The following ERC1 variants were observed in gnomAD, a reference collection of about 807,000 sequenced individuals.
The protein encoded by ERC1 is ELKS/RAB6-interacting/CAST family member 1.
A neutral mutation model predicts 132.0 loss-of-function variants in ERC1; 56 were observed. The ratio of observed to expected loss-of-function variants is 0.42; its 90% confidence interval spans 0.34 to 0.53. The LOEUF (loss-of-function observed/expected upper bound fraction) is 0.53, where lower values mean the gene tolerates loss of function less well. Among genes scored for constraint, ERC1 ranks in the 20% least tolerant of loss-of-function variants. The probability of loss-of-function intolerance (pLI) is 0.03; values close to 1 mark genes in which losing one functional copy is unlikely to be tolerated. For missense variants in ERC1, 1,202 were observed against 1,349.9 expected (o/e 0.89, Z 1.72); for synonymous variants, 478 against 476.1 (o/e 1.00, Z -0.05).
chr12:1,141,062 T>G (rs1229675551), intron 7 of ERC1, among the ~76,000 whole-genome samples: 1 of 152,196 alleles, frequency 6.6e-6, no homozygotes, highest in Admixed American at 6.5e-5. Flanking sequence ...TAAAGTTATA[T>G]CTAATGAAAG....
intron 16 of ERC1, among the ~76,000 whole-genome samples, chr12:1,384,250 T>A (rs2089053542): frequency 6.6e-6 from 1 of 152,214 alleles, no homozygotes. Context: ...CAGGTCAAAC[T>A]GCTTTCTAAA....
At chr12:1,156,458 C>T (rs972479318) in intron 8 of ERC1, among the ~76,000 whole-genome samples, 2 of 151,938 alleles carry the variant, frequency 1.3e-5, no homozygotes, top group African/African-American at 2.4e-5. Flanking sequence ...AGCCTGGTCT[C>T]GAACTCCTGA....
intron 17 of ERC1, among the ~76,000 whole-genome samples, chr12:1,418,745 C>G (rs1259977481): frequency 6.9e-6 from 1 of 143,904 alleles, no homozygotes; most frequent in African/African-American, 2.6e-5. Context: ...GGATCTCTCT[C>G]TCTGTCGCTC....
chr12:1,345,803 C>T (rs951429060), intron 15 of ERC1, among the ~76,000 whole-genome samples: 1 of 152,198 alleles, frequency 6.6e-6, no homozygotes, highest in South Asian at 2.1e-4. Flanking sequence ...TTTGCTGTAT[C>T]GTTTTGCTTA....
intron 18 of ERC1, among the ~76,000 whole-genome samples, chr12:1,467,612 G>T (rs2093770215): frequency 6.6e-6 from 1 of 152,188 alleles, no homozygotes; most frequent in Non-Finnish European, 1.5e-5. Context: ...CAGGGGAGTG[G>T]CAGGGAAGGG....
intron 2 of ERC1, among the ~76,000 whole-genome samples, chr12:1,045,314 T>C (rs1337792188): frequency 2.6e-5 from 4 of 152,112 alleles, no homozygotes; most frequent in Admixed American, 2.6e-4. Flanking sequence ...TATGTATCAT[T>C]TGCTGTTGTA....
chr12:1,159,996 C>G (rs1951742822), intron 8 of ERC1, among the ~76,000 whole-genome samples: 1 of 152,136 alleles, frequency 6.6e-6, no homozygotes, highest in Non-Finnish European at 1.5e-5. Flanking sequence ...ATAATTTATT[C>G]TCATTAAATT....
intron 2 of ERC1, among the ~76,000 whole-genome samples, chr12:1,052,552 G>A (rs1972206822): frequency 6.6e-6 from 1 of 152,124 alleles, no homozygotes; most frequent in South Asian, 2.1e-4. Context: ...AGAGAAAATA[G>A]TGCTCCATTA....
intron 15 of ERC1, among the ~76,000 whole-genome samples, chr12:1,369,636 G>A (rs1277456544): frequency 2.0e-5 from 3 of 152,176 alleles, no homozygotes; most frequent in Non-Finnish European, 4.4e-5. Context: ...AAACTGCATA[G>A]TTAGACCTTC....
chr12:1,240,916 G>C (rs904587273), intron 13 of ERC1, among the ~76,000 whole-genome samples: 9 of 151,998 alleles, frequency 5.9e-5, no homozygotes, highest in Admixed American at 2.0e-4. Flanking sequence ...TCATAATGAT[G>C]CTTGTACTTA....
At chr12:1,286,308 A>G (rs920279769) in intron 14 of ERC1, among the ~76,000 whole-genome samples, 2 of 151,616 alleles carry the variant, frequency 1.3e-5, no homozygotes, top group South Asian at 2.1e-4. Context: ...AAAAAAAAAA[A>G]AAAGAAAACT....
intron 8 of ERC1, among the ~76,000 whole-genome samples, chr12:1,176,835 C>G (rs75961154): frequency 0.022 from 3,369 of 152,316 alleles, 52 homozygotes; most frequent in East Asian, 0.073. Context: ...AAGGCTGTTT[C>G]ATCTATTAGG....
chr12:1,026,486 T>C (rs1966910649), intron 1 of ERC1, among the ~76,000 whole-genome samples: 1 of 152,232 alleles, frequency 6.6e-6, no homozygotes, highest in Admixed American at 6.5e-5. Flanking sequence ...GTTTTCGTTA[T>C]TATAGTTTTA....
intron 15 of ERC1, among the ~76,000 whole-genome samples, chr12:1,346,021 G>T (rs558796698): frequency 6.6e-6 from 1 of 152,238 alleles, no homozygotes; most frequent in East Asian, 1.9e-4. Context: ...TGCATCTGAT[G>T]TTGCCCCTCT....
chr12:1,397,118 T>C (rs550370255), intron 16 of ERC1, among the ~76,000 whole-genome samples: 1 of 152,180 alleles, frequency 6.6e-6, no homozygotes, highest in Non-Finnish European at 1.5e-5. Flanking sequence ...AATGGCAAGC[T>C]GAGGTGCTTT....
At position 1,107,696 on chromosome 12, in the gene ERC1, G is replaced by T. The variant is rs184414920; in HGVS notation, c.1162-2496G>T. Among the ~76,000 whole-genome samples, 2 of 152,278 alleles carry T rather than the reference G, an allele frequency of 1.3e-5. 1 individual carries two copies. The highest frequency in any genetic ancestry group is 4.1e-4 in the South Asian group (2 of 4,820). The stretch of plus-strand genomic sequence containing the variant: ...AGGTGCCAAAGACTTCCAAAAATGG[G>T]CAGGAGTGATGGAGAAGTCCCTGGA... On this transcript the variant is annotated intron_variant, in intron 4 of 18. Transcript: ENST00000360905.
intron 17 of ERC1, among the ~76,000 whole-genome samples, chr12:1,417,918 T>C (rs2092203218): frequency 6.6e-6 from 1 of 152,196 alleles, no homozygotes; most frequent in African/African-American, 2.4e-5. Flanking sequence ...AGTTGTAAGT[T>C]TATAATCACA....
chr12:1,400,552 G>T (rs1418265961), intron 16 of ERC1, among the ~76,000 whole-genome samples: 1 of 151,902 alleles, frequency 6.6e-6, no homozygotes, highest in Non-Finnish European at 1.5e-5. Context: ...TATAGTTTTA[G>T]CTCTTCCATT....
At chr12:1,167,778 G>A (rs551381911) in intron 8 of ERC1, among the ~76,000 whole-genome samples, 20 of 149,142 alleles carry the variant, frequency 1.3e-4, no homozygotes, top group Admixed American at 6.7e-4. Context: ...GTGCAGTGGC[G>A]TGATCTCAGC....
Sources: gnomAD v4.1 joint callset for allele counts (sites outside exome capture counted in the v4.1 genomes callset) on GRCh38, gnomAD v4.1.1 for gene constraint, MANE v1.5 for transcripts, NCBI Gene and HGNC (gene_info 2026-07-23, HGNC 2026-07-21) for gene names.